The following DHRSX variants were observed in gnomAD, a reference collection of about 807,000 sequenced individuals.
The protein encoded by DHRSX is polyprenol dehydrogenase.
DHRSX carries 31 observed loss-of-function variants against 34.0 expected under a neutral mutation model. That is an observed-to-expected ratio of 0.91 (90% CI 0.69 to 1.23). The LOEUF (loss-of-function observed/expected upper bound fraction) is 1.23, where lower values mean the gene tolerates loss of function less well. DHRSX is among the 50% of genes most tolerant of loss of function. DHRSX has a pLI of 0.00. For synonymous variants in DHRSX, 201 were observed against 183.8 expected (o/e 1.09, Z -0.76); for missense variants, 414 against 428.1 (o/e 0.97, Z 0.29).
intron 3 of DHRSX, among the ~76,000 whole-genome samples, chrX:2,352,385 C>A (rs998740402): frequency 6.6e-6 from 1 of 152,094 alleles, no homozygotes; most frequent in Non-Finnish European, 1.5e-5. Flanking sequence ...ACTAAAACTC[C>A]TACGAGGCTG....
rs755483357 is a variant in DHRSX, at chrX:2,311,691, T to C, written c.287-20088A>G. Among the ~76,000 whole-genome samples, 64 of 152,276 alleles carry C rather than the reference T, an allele frequency of 4.2e-4. No homozygotes were observed. The East Asian group carries it at 0.012, about 28-fold the overall frequency. Reference sequence around the variant, plus strand: ...ATGTTGCCGTGGAAACGCGGACTTGTGAAGAGCTTTCAAGAACAATTCTGT... The same window carrying C: ...ATGTTGCCGTGGAAACGCGGACTTGCGAAGAGCTTTCAAGAACAATTCTGT... On this transcript the variant is annotated intron_variant, in intron 3 of 6. Coordinates refer to ENST00000334651, the MANE Select transcript of DHRSX (RefSeq NM_145177.3).
chrX:2,488,129 C>A (rs3203783), intron 1 of DHRSX: 31,436 of 152,674 alleles, frequency 0.21, 3,882 homozygotes, highest in East Asian at 0.63. Context: ...AGAAGTCGTC[C>A]GGGCCCCGGG....
intron 4 of DHRSX, among the ~76,000 whole-genome samples, chrX:2,271,841 A>C (rs2041559804): frequency 6.6e-6 from 1 of 152,152 alleles, no homozygotes; most frequent in African/African-American, 2.4e-5. Flanking sequence ...CAGGAGTTCG[A>C]GACCAGCTTG....
intron 1 of DHRSX, among the ~76,000 whole-genome samples, chrX:2,434,612 G>A (rs1376704149): frequency 1.3e-5 from 2 of 152,150 alleles, no homozygotes; most frequent in East Asian, 1.9e-4. Context: ...TCGAGGCTGC[G>A]GCAAGCTATG....
At chrX:2,360,182 G>A (rs12834151) in intron 3 of DHRSX, among the ~76,000 whole-genome samples, 12,799 of 151,838 alleles carry the variant, frequency 0.084, 617 homozygotes, top group Middle Eastern at 0.16. Context: ...TGCCACCCAC[G>A]GCAAAAAGAA....
At chrX:2,495,820 C>T (rs2045270524) in intron 1 of DHRSX, among the ~76,000 whole-genome samples, 1 of 152,034 alleles carries the variant, frequency 6.6e-6, no homozygotes, top group South Asian at 2.1e-4. Flanking sequence ...CTCAGGGGGC[C>T]GGCGATTTCA....
intron 4 of DHRSX, among the ~76,000 whole-genome samples, chrX:2,268,307 A>G (rs1410220411): frequency 6.6e-6 from 1 of 152,238 alleles, no homozygotes; most frequent in South Asian, 2.1e-4. Flanking sequence ...TTGCTTGGAT[A>G]TTAATGCCAA....
chrX:2,481,398 G>A lies in DHRSX; in HGVS notation c.109+19419C>T, dbSNP rs1245136945. On this transcript the variant is annotated intron_variant, in intron 1 of 6. Coordinates refer to ENST00000334651, the MANE Select transcript of DHRSX (RefSeq NM_145177.3). The stretch of plus-strand genomic sequence containing the variant: ...TATCCACACTGGGCTGGTCGCGGTG[G>A]CTCACGCCTGTCATCCCAGCACTTT... 3.5e-3 allele frequency among the ~76,000 whole-genome samples: 533 copies of A among 151,788 alleles called. 3 individuals carry two copies. The highest frequency in any genetic ancestry group is 0.012 in the African/African-American group (486 of 41,066).
chrX:2,298,317 G>GTTTTTTT (rs529844889), intron 3 of DHRSX, among the ~76,000 whole-genome samples: 5 of 123,696 alleles, frequency 4.0e-5, no homozygotes, highest in Admixed American at 8.4e-5. Context: ...CAGTTTTGGT[G>GTTTTTTT]TTTTTTTTTT....
intron 2 of DHRSX, among the ~76,000 whole-genome samples, chrX:2,423,163 A>C (rs764638266): frequency 6.6e-6 from 1 of 150,800 alleles, no homozygotes; most frequent in Non-Finnish European, 1.5e-5. Context: ...CTGTAATCCC[A>C]GCGCTTTGGG....
At chrX:2,243,797 T>TTTTTTTTTTTTG (rs2016207732) in intron 5 of DHRSX, among the ~76,000 whole-genome samples, 2 of 67,174 alleles carry the variant, frequency 3.0e-5, no homozygotes, top group South Asian at 4.7e-4. Flanking sequence ...TGTTTTTTTT[T>TTTTTTTTTTTTG]TTTTTTTTTT....
Position 2,380,273 on chromosome X carries a change from C to G in DHRSX, c.286+28472G>C, listed in dbSNP as rs1168219630. On this transcript the variant is annotated intron_variant, in intron 3 of 6. Coordinates refer to ENST00000334651, the MANE Select transcript of DHRSX (RefSeq NM_145177.3). ...CTGAGATCATGCCACTGCACTCCAG[C>G]CTGGGCTACAGAGCAAGACTCCGTC... is the stretch of plus-strand genomic sequence containing the variant. 6.1e-5 allele frequency among the ~76,000 whole-genome samples: 8 copies of G among 131,144 alleles called. No homozygotes were observed. In the East Asian group the frequency reaches 1.9e-3, roughly 30 times the overall value. 86.0% of individuals were successfully genotyped at this position (131,144 alleles called of 152,430 possible).
At chrX:2,380,497 T>C (rs2043190938) in intron 3 of DHRSX, among the ~76,000 whole-genome samples, 1 of 152,118 alleles carries the variant, frequency 6.6e-6, no homozygotes, top group Admixed American at 6.6e-5. Flanking sequence ...AGGAGAGATG[T>C]ATAGATATGA....
chrX:2,436,775 G>A (rs1252103206), intron 1 of DHRSX, among the ~76,000 whole-genome samples: 2 of 151,916 alleles, frequency 1.3e-5, no homozygotes, highest in Non-Finnish European at 2.9e-5. Context: ...GGAACTACAG[G>A]TGTGTGCCAC....
Position 2,266,836 on chromosome X carries a change from T to G in DHRSX, c.500A>C (p.Lys167Thr). ...ACTGTGGCCAGGGGACCCAGACTCT[T>G]TCAGCGTATCCAAGAGAAGGTTGGT... ...LLTNLLLDTLKESGSPGHSAR... is the reference protein window; with the variant it reads ...LLTNLLLDTLTESGSPGHSAR... The change falls in exon 5 of 7, where the codon AAA becomes ACA. Residue 167 changes from lysine to threonine, a missense_variant. Coordinates refer to ENST00000334651, the MANE Select transcript of DHRSX (RefSeq NM_145177.3). The G allele has an allele frequency of 6.2e-7, 1 of 1,613,962 alleles. No homozygotes were observed. Among genetic ancestry groups the G allele is most frequent in the South Asian group, 1.1e-5 (1 of 91,068 alleles).
At chrX:2,266,345 C>T (rs1173379387) in intron 5 of DHRSX, among the ~76,000 whole-genome samples, 35 of 146,362 alleles carry the variant, frequency 2.4e-4, no homozygotes, top group African/African-American at 8.3e-4. Context: ...AGCACTGTCC[C>T]CAGAGCACCA....
chrX:2,268,155 G>A (rs945645481), intron 4 of DHRSX, among the ~76,000 whole-genome samples: 16 of 152,108 alleles, frequency 1.1e-4, no homozygotes, highest in African/African-American at 3.9e-4. Context: ...CTATCTACCA[G>A]ACACAGAACA....
chrX:2,358,622 G>C (rs1189949754), intron 3 of DHRSX, among the ~76,000 whole-genome samples: 1 of 152,056 alleles, frequency 6.6e-6, no homozygotes, highest in African/African-American at 2.4e-5. Flanking sequence ...TGATTACCTT[G>C]TTTAACCTTT....
chrX:2,307,834 G>A (rs1432817283), intron 3 of DHRSX, among the ~76,000 whole-genome samples: 1 of 151,490 alleles, frequency 6.6e-6, no homozygotes, highest in African/African-American at 2.4e-5. Flanking sequence ...AGAGTATGAG[G>A]CTTCAAGCCC....
Sources: gnomAD v4.1 joint callset for allele counts (sites outside exome capture counted in the v4.1 genomes callset) on GRCh38, gnomAD v4.1.1 for gene constraint, MANE v1.5 for transcripts, NCBI Gene and HGNC (gene_info 2026-07-23, HGNC 2026-07-21) for gene names.